Variants in GBP1 observed in about 807,000 individuals in gnomAD.
GBP1 encodes guanylate-binding protein 1.
A neutral mutation model predicts 69.5 loss-of-function variants in GBP1; 64 were observed. The observed-to-expected ratio is 0.92, with a 90% confidence interval of 0.75 to 1.13. The LOEUF (loss-of-function observed/expected upper bound fraction) is 1.13. Ranked by LOEUF, GBP1 falls within the 50% of genes most tolerant of loss-of-function variation. The probability of loss-of-function intolerance (pLI) is 0.00; values close to 1 mark genes in which losing one functional copy is unlikely to be tolerated. For synonymous variants in GBP1, 250 were observed against 261.2 expected (o/e 0.96, Z 0.41); for missense variants, 630 against 704.1 (o/e 0.89, Z 1.19).
At chr1:89,064,245 G>C (rs918573396) in intron 1 of GBP1, among the ~76,000 whole-genome samples, 1 of 121,966 alleles carries the variant, frequency 8.2e-6, no homozygotes, top group Non-Finnish European at 1.6e-5. Flanking sequence ...GTGTGTGAGA[G>C]AGAGAGAGAG....
Position 89,054,730 on chromosome 1 carries a change from C to A in GBP1, c.1617G>T (p.Arg539Ser), listed in dbSNP as rs1004963066. The A allele has an allele frequency of 1.9e-6, 3 of 1,614,174 alleles. No homozygotes were observed. Among genetic ancestry groups the A allele is most frequent in the African/African-American group, 1.3e-5 (1 of 75,054 alleles). The change falls in exon 10 of 11, where the codon AGG becomes AGT. Residue 539 changes from arginine (R) to serine (S), a missense_variant. Physicochemically the swap from Arg to Ser is moderately radical, Grantham distance 110 (BLOSUM62 -1). Transcript: ENST00000370473. ...KQLTEKMEND[R>S]VQLLKEQERT... The stretch of plus-strand genomic sequence containing the variant: ...TCTCTTGCTCTTTCAGCAACTGGAC[C>A]CTGTCGTTCTCCATCTTCTCAGTCA...
intron 2 of GBP1, among the ~76,000 whole-genome samples, chr1:89,060,988 T>A (rs1286551491): frequency 6.6e-6 from 1 of 152,216 alleles, no homozygotes; most frequent in African/African-American, 2.4e-5. Context: ...ACCAAGCAGG[T>A]GGAAGACTTG....
At chr1:89,060,677 A>G (rs1338520559) in intron 2 of GBP1, among the ~76,000 whole-genome samples, 3 of 152,238 alleles carry the variant, frequency 2.0e-5, no homozygotes, top group Non-Finnish European at 4.4e-5. Flanking sequence ...TGTCAATTGC[A>G]TTCCACAGAA....
At chr1:89,053,642 TA>T (rs1402822346) in intron 10 of GBP1, among the ~76,000 whole-genome samples, 174 bp from the exon 11 acceptor site, 1 of 152,230 alleles carries the variant, frequency 6.6e-6, no homozygotes, top group African/African-American at 2.4e-5. Flanking sequence ...CTTACCCTAT[TA>T]TGTATATGAC....
rs796250810 is a variant in GBP1, at chr1:89,058,591, A to T, written c.631+250T>A. On this transcript the variant is annotated intron_variant, in intron 5 of 10. Transcript: ENST00000370473. ...AAGTAGAAGATCACAAACCCTAGGC[A>T]GGGAGATAAAATTAACCTAATCACA... The T allele has an allele frequency of 5.1e-5, 29 of 571,254 alleles. No homozygotes were observed. The African/African-American group carries it at 5.2e-4, about 10-fold the overall frequency. The allele number at this position is 571,254 out of a possible 1,614,324, so 35.4% of individuals were successfully genotyped here. A position where few individuals can be genotyped will look rare whatever the true frequency, so the allele number is the denominator to read the frequency against.
rs1028339586 is a variant in GBP1 at position 89,056,983 on chromosome 1, C to T, written c.1026G>A (p.Lys342=). The change falls in exon 7 of 11, where the codon AAG becomes AAA. Residue 342 remains lysine (K), a synonymous_variant. Transcript: ENST00000370473. ...GGAGGGTTTCTGTGGGCAGCTGCAC[C>T]TTCTGGCCCATCTGCTGTTCATAGT... The part of the protein sequence containing the change: ...IAHYEQQMGQ[K]VQLPTETLQE... 3 of 1,614,228 alleles carry T rather than the reference C, an allele frequency of 1.9e-6. No homozygotes were observed. Among genetic ancestry groups the T allele is most frequent in the Non-Finnish European group, 2.5e-6 (3 of 1,180,038 alleles).
At chr1:89,058,799 G>T in intron 5 of GBP1, 42 bp downstream of exon 5, 1 of 1,591,236 alleles carries the variant, frequency 6.3e-7, no homozygotes, top group South Asian at 1.1e-5. Context: ...ATAATTTCTT[G>T]TGTTTTCTCA....
chr1:89,064,236 TGTGTGAGAGA>T (rs1399200792), intron 1 of GBP1, among the ~76,000 whole-genome samples: 9 of 117,350 alleles, frequency 7.7e-5, no homozygotes, highest in East Asian at 4.7e-4. Context: ...TGTGTGTGTG[TGTGTGAGAGA>T]GAGAGAGAGA....
chr1:89,060,540 A>C (rs1268313616), intron 2 of GBP1, among the ~76,000 whole-genome samples: 1 of 152,250 alleles, frequency 6.6e-6, no homozygotes, highest in Admixed American at 6.5e-5. Context: ...ACAAAGTAGA[A>C]ATAGAAAGAC....
At chr1:89,064,862 C>T (rs1680297446) in intron 1 of GBP1, among the ~76,000 whole-genome samples, 1 of 152,182 alleles carries the variant, frequency 6.6e-6, no homozygotes, top group African/African-American at 2.4e-5. Flanking sequence ...AAAGACTATC[C>T]TAGTACATTT....
chr1:89,062,343 C>T (rs193122860), intron 2 of GBP1, among the ~76,000 whole-genome samples: 2 of 152,264 alleles, frequency 1.3e-5, no homozygotes, highest in African/African-American at 4.8e-5. Flanking sequence ...AGAGTTTTGA[C>T]ACATGCTAAC....
Position 89,053,282 on chromosome 1 carries a change from A to G in GBP1, c.*73T>C. 2.7e-6 allele frequency: 3 copies of G among 1,097,198 alleles called. No individual in the cohort carries two copies. Among genetic ancestry groups the G allele is most frequent in the Non-Finnish European group, 4.0e-6 (3 of 744,238 alleles). The allele number at this position is 1,097,198 out of a possible 1,614,324, so 68.0% of individuals were successfully genotyped here. On this transcript the variant is annotated 3_prime_UTR_variant, in exon 11 of 11. Transcript: ENST00000370473. Reference sequence around the variant, plus strand: ...GCAAGATCTAATTATTATCAAATGTAGTGACGCTTGTTCCAAATTCTAAAA... The same window carrying G: ...GCAAGATCTAATTATTATCAAATGTGGTGACGCTTGTTCCAAATTCTAAAA...
At chr1:89,059,835 C>T (rs1477809584) in intron 3 of GBP1, among the ~76,000 whole-genome samples, 2 of 152,014 alleles carry the variant, frequency 1.3e-5, no homozygotes, top group East Asian at 1.9e-4. Context: ...AATTAATATA[C>T]ACCTGTAATG....
Position 89,060,283 on chromosome 1 carries a change from T to C in GBP1, c.232A>G (p.Ile78Val), listed in dbSNP as rs1048401. The change falls in exon 3 of 11, where the codon ATC becomes GTC. Residue 78 changes from isoleucine to valine, a missense_variant. Coordinates refer to ENST00000370473, the MANE Select transcript of GBP1 (RefSeq NM_002053.3). ...GSTVQSHTKG[I>V]WMWCVPHPKK... ...GGGTGGGGCACACACCACATCCAGA[T>C]TCCTTTAGTGTGAGACTGCACCGTG... 0.039 allele frequency: 63,188 copies of C among 1,601,520 alleles called. 2,127 individuals are homozygous for C. The highest frequency in any genetic ancestry group is 0.18 in the Admixed American group (10,426 of 57,322).
intron 1 of GBP1, 116 bp downstream of exon 1, chr1:89,065,044 A>T (rs571935411): frequency 4.1e-4 from 63 of 152,300 alleles, no homozygotes; most frequent in African/African-American, 1.5e-3. Flanking sequence ...AAATGAACTG[A>T]CCTTTATAAA....
intron 2 of GBP1, among the ~76,000 whole-genome samples, chr1:89,061,687 TA>T (rs1680202323): frequency 6.6e-6 from 1 of 152,096 alleles, no homozygotes; most frequent in South Asian, 2.1e-4. Flanking sequence ...AACTTTTGTG[TA>T]TTAACGGACA....
At chr1:89,058,817 T>A in intron 5 of GBP1, 24 bp downstream of exon 5, 2 of 1,609,980 alleles carry the variant, frequency 1.2e-6, no homozygotes, top group Non-Finnish European at 8.5e-7. Flanking sequence ...TCATCCTCAT[T>A]TATCAGTTGA....
chr1:89,056,791 T>C, intron 7 of GBP1, 63 bp downstream of exon 7: 1 of 1,519,764 alleles, frequency 6.6e-7, no homozygotes, highest in Non-Finnish European at 8.9e-7. Context: ...ATAATAGTTT[T>C]CTTTCCTTGT....
rs756229524 is a variant in GBP1 at position 89,055,975 on chromosome 1, G to A, written c.1368+41C>T. 5.4e-5 allele frequency: 87 copies of A among 1,612,536 alleles called. 1 individual carries two copies. In the South Asian group the frequency reaches 8.9e-4, roughly 16 times the overall value. ...GTCACCTTGGTGTTTGTAGGAGGCA[G>A]GTCAGCAGCTTTCCATAATTGACAG... On this transcript the variant is annotated intron_variant, in intron 8 of 10. Coordinates refer to ENST00000370473, the MANE Select transcript of GBP1 (RefSeq NM_002053.3).
Sources: allele counts gnomAD v4.1 joint callset (sites outside exome capture counted in the v4.1 genomes callset), GRCh38; gene constraint gnomAD v4.1.1; transcripts MANE v1.5; gene names NCBI Gene and HGNC (gene_info 2026-07-23, HGNC 2026-07-21).